ERG: variants seen among roughly 807,000 people sequenced by gnomAD.
ERG encodes ETS transcription factor ERG, also known as transcriptional regulator ERG.
ERG carries 9 observed loss-of-function variants against 55.3 expected under a neutral mutation model. The ratio of observed to expected loss-of-function variants is 0.16; its 90% CI spans 0.10 to 0.28. The LOEUF (loss-of-function observed/expected upper bound fraction) is 0.28, where lower values mean the gene tolerates loss of function less well. Among genes scored for constraint, ERG ranks in the 10% least tolerant of loss-of-function variants. The probability of loss-of-function intolerance (pLI) is 1.00; values close to 1 mark genes in which losing one functional copy is unlikely to be tolerated. For missense variants in ERG, 434 were observed against 631.6 expected (o/e 0.69, Z 3.35); for synonymous variants, 223 against 237.3 (o/e 0.94, Z 0.55).
chr21:38,371,744 T>C, the ERG span, among the ~76,000 whole-genome samples: 1 of 152,072 alleles, frequency 6.6e-6, no homozygotes, highest in Non-Finnish European at 1.5e-5. Context: ...TTTTTATACA[T>C]GGCTGAATTC....
chr21:38,578,518 G>A (rs1294250654), intron 1 of ERG, among the ~76,000 whole-genome samples: 1 of 152,274 alleles, frequency 6.6e-6, no homozygotes, highest in South Asian at 2.1e-4. Context: ...AGAAAGACAA[G>A]TATGACAGAT....
At chr21:38,536,286 G>A (rs1333867354) in intron 2 of ERG, among the ~76,000 whole-genome samples, 1 of 74,736 alleles carries the variant, frequency 1.3e-5, no homozygotes, top group Non-Finnish European at 2.8e-5. Flanking sequence ...GCTCTATACT[G>A]GAAAGCTGGT....
intron 2 of ERG, among the ~76,000 whole-genome samples, chr21:38,568,368 T>A (rs1406905414): frequency 6.6e-6 from 1 of 152,214 alleles, no homozygotes; most frequent in Non-Finnish European, 1.5e-5. Flanking sequence ...TCTAAACTCA[T>A]TAGCTAATTT....
chr21:38,450,545 C>G (rs568165280), intron 1 of ERG, among the ~76,000 whole-genome samples: 2 of 152,176 alleles, frequency 1.3e-5, no homozygotes, highest in African/African-American at 4.8e-5. Context: ...AATACAAAAC[C>G]CTTCCTTAAA....
chr21:38,541,929 T>TTC (rs2059755518), intron 2 of ERG, among the ~76,000 whole-genome samples: 2 of 110,504 alleles, frequency 1.8e-5, no homozygotes, highest in Non-Finnish European at 4.1e-5. Context: ...AATTAAATTT[T>TTC]TAAAAAGCAG....
At chr21:38,528,882 T>C (rs1429907705) in intron 2 of ERG, among the ~76,000 whole-genome samples, 1 of 152,172 alleles carries the variant, frequency 6.6e-6, no homozygotes, top group African/African-American at 2.4e-5. Context: ...AATAATAGAA[T>C]GGTCTATTAA....
chr21:38,383,216 C>T lies in ERG; in HGVS notation c.*187G>A, dbSNP rs1046802222. On this transcript the variant is annotated 3_prime_UTR_variant, in exon 10 of 10. Coordinates refer to ENST00000288319, the MANE Select transcript of ERG (RefSeq NM_182918.4). The surrounding 1 kb of genome is among the most constrained non-coding windows in gnomAD (Gnocchi z 5.7). The stretch of plus-strand genomic sequence containing the variant: ...TTCGTGACATTTTTAGCATCCTCCT[C>T]ATTTCTGTAGTAAGACTTCAGTAAC... 2.1e-5 allele frequency: 27 copies of T among 1,295,948 alleles called. No individual in the cohort carries two copies. The highest frequency in any genetic ancestry group is 2.4e-5 in the Non-Finnish European group (25 of 1,024,368). 80.3% of individuals were successfully genotyped at this position (1,295,948 alleles called of 1,614,324 possible). A position where few individuals can be genotyped will look rare whatever the true frequency, so the allele number is the denominator to read the frequency against.
chr21:38,387,505 G>A (rs984331008), intron 9 of ERG, among the ~76,000 whole-genome samples: 2 of 152,162 alleles, frequency 1.3e-5, no homozygotes, highest in African/African-American at 4.8e-5. Flanking sequence ...GGCAACTCTC[G>A]CAGCTCTCTC....
At chr21:38,561,853 A>T (rs1382960302) in intron 2 of ERG, among the ~76,000 whole-genome samples, 2 of 152,242 alleles carry the variant, frequency 1.3e-5, no homozygotes, top group African/African-American at 4.8e-5. Flanking sequence ...AAATCTACAA[A>T]GAATCACTAA....
upstream of ERG, among the ~76,000 whole-genome samples, chr21:38,588,521 C>T (rs1021197109): frequency 3.9e-5 from 6 of 152,092 alleles, no homozygotes; most frequent in African/African-American, 1.4e-4. Context: ...TCAAAGCAGC[C>T]ATGGTGAGGC....
intron 3 of ERG, among the ~76,000 whole-genome samples, chr21:38,422,591 C>T (rs932562122): frequency 5.9e-5 from 9 of 152,202 alleles, no homozygotes; most frequent in African/African-American, 2.2e-4. Context: ...TGCTGTTGTT[C>T]TTATATTTCT....
intron 1 of ERG, among the ~76,000 whole-genome samples, chr21:38,644,185 G>A (rs1427801419): frequency 6.6e-6 from 1 of 152,198 alleles, no homozygotes; most frequent in Non-Finnish European, 1.5e-5. Context: ...GGCAGCCACT[G>A]GCTTCTGAAA....
intron 1 of ERG, among the ~76,000 whole-genome samples, chr21:38,591,308 A>G (rs1339831308): frequency 6.6e-6 from 1 of 152,252 alleles, no homozygotes; most frequent in Non-Finnish European, 1.5e-5. Context: ...GGAGCCTGAC[A>G]GCATTAAGCC....
intron 2 of ERG, among the ~76,000 whole-genome samples, chr21:38,440,776 C>G (rs1419737962): frequency 1.1e-5 from 1 of 90,964 alleles, no homozygotes; most frequent in African/African-American, 4.4e-5. Flanking sequence ...GTGACAAGAG[C>G]AAAACTGTCT....
intron 6 of ERG, among the ~76,000 whole-genome samples, chr21:38,393,720 C>T (rs537204518): frequency 5.3e-5 from 8 of 152,298 alleles, no homozygotes; most frequent in East Asian, 3.9e-4. Context: ...TGATGCGCAA[C>T]GTGAAAGTCA....
intron 1 of ERG, among the ~76,000 whole-genome samples, chr21:38,631,304 A>C (rs2146957245): frequency 6.6e-6 from 1 of 152,318 alleles, no homozygotes; most frequent in East Asian, 1.9e-4. Flanking sequence ...ATGGTTTCAC[A>C]TACTCACATG....
chr21:38,536,641 T>A (rs67353570), intron 2 of ERG, among the ~76,000 whole-genome samples: 1 of 152,178 alleles, frequency 6.6e-6, no homozygotes, highest in Non-Finnish European at 1.5e-5. Context: ...ATTCAGTGCA[T>A]GTTGAAGGGA....
chr21:38,571,328 T>G (rs1210011340), intron 2 of ERG, among the ~76,000 whole-genome samples: 3 of 151,870 alleles, frequency 2.0e-5, no homozygotes, highest in South Asian at 2.1e-4. Context: ...CTGGGCAAGA[T>G]AGTGAGACCT....
intron 2 of ERG, among the ~76,000 whole-genome samples, chr21:38,525,707 G>A (rs2059625572): frequency 6.6e-6 from 1 of 152,178 alleles, no homozygotes; most frequent in Non-Finnish European, 1.5e-5. Context: ...GCATATCTGT[G>A]GGAGCACCAA....
Sources: gnomAD v4.1 joint callset for allele counts (sites outside exome capture counted in the v4.1 genomes callset) on GRCh38, gnomAD v4.1.1 for gene constraint, Gnocchi (gnomAD v3.1) non-coding constraint, MANE v1.5 for transcripts, NCBI Gene and HGNC (gene_info 2026-07-23, HGNC 2026-07-21) for gene names.